Variants in DCC observed in about 807,000 individuals in gnomAD.
The protein encoded by DCC is netrin receptor DCC.
A neutral mutation model predicts 172.5 loss-of-function variants in DCC; 58 were observed. The ratio of observed to expected loss-of-function variants is 0.34; its 90% CI spans 0.27 to 0.42. The LOEUF (loss-of-function observed/expected upper bound fraction) is 0.42, where lower values mean the gene tolerates loss of function less well. DCC is among the 10% of genes least tolerant of loss of function. The probability of loss-of-function intolerance (pLI) is 1.00; values close to 1 mark genes in which losing one functional copy is unlikely to be tolerated. For missense variants in DCC, 1,740 were observed against 1,791.0 expected (o/e 0.97, Z 0.51); for synonymous variants, 709 against 644.5 (o/e 1.10, Z -1.52).
At chr18:53,307,891 G>GAA (rs2057219036) in intron 13 of DCC, among the ~76,000 whole-genome samples, 1 of 47,986 alleles carries the variant, frequency 2.1e-5, no homozygotes, top group Non-Finnish European at 5.1e-5. Context: ...AGCAATGTGT[G>GAA]TGTATGTATA....
intron 1 of DCC, among the ~76,000 whole-genome samples, chr18:52,516,162 G>A (rs183712399): frequency 2.4e-4 from 36 of 152,170 alleles, no homozygotes; most frequent in Admixed American, 2.3e-3. Flanking sequence ...AAATGGTACA[G>A]CCACTCTGAA....
At chr18:53,355,004 T>C (rs2057861245) in intron 15 of DCC, among the ~76,000 whole-genome samples, 1 of 152,148 alleles carries the variant, frequency 6.6e-6, no homozygotes, top group Non-Finnish European at 1.5e-5. Context: ...GCTAGCCAGT[T>C]TTCCCAGCAC....
intron 17 of DCC, among the ~76,000 whole-genome samples, chr18:53,394,751 T>C (rs1331524909): frequency 6.6e-6 from 1 of 152,144 alleles, no homozygotes; most frequent in African/African-American, 2.4e-5. Flanking sequence ...TTTAATACTT[T>C]CTCTGGGCCA....
chr18:53,349,969 G>C (rs979779962), intron 15 of DCC, among the ~76,000 whole-genome samples: 3 of 152,072 alleles, frequency 2.0e-5, no homozygotes, highest in African/African-American at 7.2e-5. Flanking sequence ...AACTGAATTT[G>C]GCTTAGGCAG....
At chr18:52,504,596 G>T (rs562016426) in intron 1 of DCC, among the ~76,000 whole-genome samples, 1 of 152,184 alleles carries the variant, frequency 6.6e-6, no homozygotes, top group South Asian at 2.1e-4. Flanking sequence ...CCAGCTTGGG[G>T]TGACTGTATT....
chr18:53,273,209 A>G (rs2144711420), intron 12 of DCC, among the ~76,000 whole-genome samples: 1 of 152,244 alleles, frequency 6.6e-6, no homozygotes, highest in South Asian at 2.1e-4. Context: ...ATGGAGCCTG[A>G]AGTATGTGCT....
At chr18:53,000,241 T>TC (rs1424313567) in intron 5 of DCC, among the ~76,000 whole-genome samples, 1 of 152,110 alleles carries the variant, frequency 6.6e-6, no homozygotes, top group Admixed American at 6.6e-5. Flanking sequence ...GGTTCTTATT[T>TC]CTAGGTAAGA....
At chr18:53,311,650 T>A (rs1446255088) in intron 13 of DCC, among the ~76,000 whole-genome samples, 1 of 152,214 alleles carries the variant, frequency 6.6e-6, no homozygotes, top group Non-Finnish European at 1.5e-5. Context: ...TGTTTAACAT[T>A]TACAACAATA....
chr18:52,590,660 C>T (rs201357648), intron 1 of DCC, among the ~76,000 whole-genome samples: 4 of 152,110 alleles, frequency 2.6e-5, no homozygotes, highest in Admixed American at 1.3e-4. Context: ...GGTACTGGTC[C>T]GTCAGAATGG....
chr18:53,272,250 A>G (rs2056757762), intron 12 of DCC, among the ~76,000 whole-genome samples: 1 of 152,192 alleles, frequency 6.6e-6, no homozygotes, highest in African/African-American at 2.4e-5. Context: ...TTCTGAAAGT[A>G]GAATATGTAT....
intron 1 of DCC, among the ~76,000 whole-genome samples, chr18:52,460,309 G>A (rs1323882895): frequency 1.3e-5 from 2 of 151,898 alleles, no homozygotes; most frequent in African/African-American, 2.4e-5. Context: ...GTCTCCATAT[G>A]GCTAAACCCA....
intron 1 of DCC, among the ~76,000 whole-genome samples, chr18:52,712,937 G>A (rs1430714828): frequency 2.6e-5 from 4 of 152,158 alleles, no homozygotes; most frequent in African/African-American, 4.8e-5. Context: ...TTCTGTTGCT[G>A]TTCTTCATTC....
rs12455883 is a variant in DCC at position 53,316,787 on chromosome 18, C to A, written c.2054-5260C>A. Reference sequence around the variant, plus strand: ...TATAGGAATGCTTGTGATTTTTGCACATTGATTTTGTATCCTGAGACTTTG... The same window carrying A: ...TATAGGAATGCTTGTGATTTTTGCAAATTGATTTTGTATCCTGAGACTTTG... On this transcript the variant is annotated intron_variant, in intron 13 of 28. Transcript: ENST00000442544. 9.3e-3 allele frequency among the ~76,000 whole-genome samples: 1,418 copies of A among 152,242 alleles called. 83 individuals carry two copies. Among genetic ancestry groups the A allele is most frequent in the Admixed American group, 0.083 (1,268 of 15,282 alleles).
chr18:52,990,197 A>C (rs1234658063), intron 5 of DCC, among the ~76,000 whole-genome samples: 1 of 152,156 alleles, frequency 6.6e-6, no homozygotes, highest in African/African-American at 2.4e-5. Context: ...ATCTTTTCTC[A>C]ATACTAGATT....
rs115561599 is a variant in DCC, at chr18:52,849,945, C to T, written c.413-56099C>T. Among the ~76,000 whole-genome samples, 554 of 152,222 alleles carry T rather than the reference C, an allele frequency of 3.6e-3. 1 individual carries two copies. The highest frequency in any genetic ancestry group is 0.012 in the African/African-American group (509 of 41,530). On this transcript the variant is annotated intron_variant, in intron 2 of 28. Transcript: ENST00000442544. ...TGTCTTATAAGCCACGACAAAAATGCCCCAGGTCATGAGAGAAAACTATTG... is the reference window on the plus strand; with the variant it reads ...TGTCTTATAAGCCACGACAAAAATGTCCCAGGTCATGAGAGAAAACTATTG...
At chr18:52,616,564 A>AG (rs1450291661) in intron 1 of DCC, among the ~76,000 whole-genome samples, 1 of 152,082 alleles carries the variant, frequency 6.6e-6, no homozygotes, top group East Asian at 1.9e-4. Flanking sequence ...TGCATTTGAG[A>AG]GGGGAAAAAA....
chr18:52,841,789 A>G (rs892392445), intron 2 of DCC, among the ~76,000 whole-genome samples: 1 of 151,960 alleles, frequency 6.6e-6, no homozygotes, highest in African/African-American at 2.4e-5. Flanking sequence ...TCTGAACAAC[A>G]TTTTTGCCAT....
chr18:52,873,561 C>A (rs904650120), intron 2 of DCC, among the ~76,000 whole-genome samples: 2 of 152,160 alleles, frequency 1.3e-5, no homozygotes, highest in African/African-American at 4.8e-5. Context: ...GAGGTTTGAT[C>A]ATTTGTCAAT....
chr18:53,524,858 C>T (rs1004205381), intron 27 of DCC, among the ~76,000 whole-genome samples: 4 of 151,950 alleles, frequency 2.6e-5, no homozygotes, highest in Non-Finnish European at 5.9e-5. Context: ...CCTAAATGTG[C>T]GAACTTAGGC....
Sources: allele counts gnomAD v4.1 joint callset (sites outside exome capture counted in the v4.1 genomes callset), GRCh38; gene constraint gnomAD v4.1.1; transcripts MANE v1.5; gene names NCBI Gene and HGNC (gene_info 2026-07-23, HGNC 2026-07-21).